Variants in EYS observed in about 807,000 individuals in gnomAD.
EYS encodes the protein EGF-like photoreceptor maintenance factor.
In EYS, 250 loss-of-function variants were observed where a neutral mutation model predicts 282.1. The observed-to-expected ratio is 0.89, with a 90% CI of 0.80 to 0.98. EYS has a LOEUF of 0.98. Among genes scored for constraint, EYS ranks in the 50% least tolerant of loss-of-function variants. EYS has a pLI of 0.00. For synonymous variants in EYS, 1,355 were observed against 1,282.9 expected (o/e 1.06, Z -1.20); for missense variants, 4,016 against 3,709.0 (o/e 1.08, Z -2.15).
chr6:64,441,209 A>G (rs1774933349), intron 26 of EYS, among the ~76,000 whole-genome samples: 1 of 152,194 alleles, frequency 6.6e-6, no homozygotes, highest in Admixed American at 6.5e-5. Context: ...AAAATTAATC[A>G]TATTCATGTC....
At chr6:64,446,383 A>G (rs548888475) in intron 26 of EYS, among the ~76,000 whole-genome samples, 24 of 152,230 alleles carry the variant, frequency 1.6e-4, no homozygotes, top group African/African-American at 5.8e-4. Context: ...TTTTAGAAGA[A>G]ATGAATAATA....
chr6:65,079,193 T>G (rs1288886269), intron 12 of EYS, among the ~76,000 whole-genome samples: 1 of 152,088 alleles, frequency 6.6e-6, no homozygotes. Flanking sequence ...TATCAAGAAG[T>G]CTGGTTTCTT....
intron 4 of EYS, 133 bp downstream of exon 4, chr6:65,494,530 C>G (rs957838228): frequency 1.3e-6 from 1 of 763,600 alleles, no homozygotes; most frequent in Non-Finnish European, 2.1e-6. Context: ...ATCCACCCAC[C>G]TCGGCCTCCC....
intron 35 of EYS, among the ~76,000 whole-genome samples, chr6:63,905,333 T>TC (rs1294949712): frequency 1.4e-4 from 20 of 146,784 alleles, no homozygotes; most frequent in African/African-American, 4.8e-4. Context: ...TTTTTTCTTT[T>TC]TTTTTTTTTT....
At chr6:64,380,628 T>G (rs1419852844) in intron 29 of EYS, among the ~76,000 whole-genome samples, 1 of 152,228 alleles carries the variant, frequency 6.6e-6, no homozygotes, top group Non-Finnish European at 1.5e-5. Flanking sequence ...TTAGACTATT[T>G]AACTTAATGT....
chr6:64,934,916 A>G (rs1768855045), intron 15 of EYS, among the ~76,000 whole-genome samples: 1 of 151,872 alleles, frequency 6.6e-6, no homozygotes, highest in South Asian at 2.1e-4. Context: ...TATATGATTT[A>G]AAAGATGGAG....
chr6:64,828,966 G>A (rs1283271044), intron 19 of EYS, among the ~76,000 whole-genome samples: 1 of 151,934 alleles, frequency 6.6e-6, no homozygotes, highest in African/African-American at 2.4e-5. Context: ...AAAGCAAAAG[G>A]GACATCCTTC....
chr6:64,128,035 G>A (rs1050261309), intron 31 of EYS, among the ~76,000 whole-genome samples: 2 of 152,000 alleles, frequency 1.3e-5, no homozygotes, highest in African/African-American at 4.8e-5. Context: ...ACAATCTTGA[G>A]TCTCCTAGGT....
chr6:64,088,040 A>G (rs1772218647), intron 31 of EYS, among the ~76,000 whole-genome samples: 1 of 152,100 alleles, frequency 6.6e-6, no homozygotes, highest in African/African-American at 2.4e-5. Context: ...GTTTTATGAA[A>G]ATTATGACAG....
At chr6:64,329,039 A>T (rs796448108) in intron 29 of EYS, among the ~76,000 whole-genome samples, 1 of 152,282 alleles carries the variant, frequency 6.6e-6, no homozygotes, top group African/African-American at 2.4e-5. Context: ...ATTTAATCGG[A>T]CTGGCAGGAA....
chr6:65,050,141 A>G (rs1226864354), intron 13 of EYS, among the ~76,000 whole-genome samples: 1 of 151,160 alleles, frequency 6.6e-6, no homozygotes, highest in Non-Finnish European at 1.5e-5. Flanking sequence ...AAATAAGAGA[A>G]AGGAATAAAA....
intron 19 of EYS, among the ~76,000 whole-genome samples, chr6:64,870,411 C>T (rs1241524095): frequency 7.0e-6 from 1 of 142,030 alleles, no homozygotes; most frequent in Non-Finnish European, 1.5e-5. Context: ...AACAATTACC[C>T]CCCTCCTCCC....
At chr6:65,603,177 T>C (rs1582506756) in intron 2 of EYS, among the ~76,000 whole-genome samples, 1 of 152,084 alleles carries the variant, frequency 6.6e-6, no homozygotes, top group East Asian at 1.9e-4. Flanking sequence ...CTTCCTGCTT[T>C]AGAGGCTCAC....
chr6:64,825,319 T>C (rs1044148881), intron 19 of EYS, among the ~76,000 whole-genome samples: 5 of 151,934 alleles, frequency 3.3e-5, no homozygotes, highest in African/African-American at 1.2e-4. Flanking sequence ...AGTAATCTCC[T>C]TGTAGCATTC....
At chr6:65,121,988 A>C (rs532270583) in intron 12 of EYS, among the ~76,000 whole-genome samples, 2 of 152,252 alleles carry the variant, frequency 1.3e-5, no homozygotes, top group Non-Finnish European at 2.9e-5. Flanking sequence ...AAAAGTCATA[A>C]AATTTCTTAT....
chr6:65,671,120 T>C (rs1367652213), intron 1 of EYS, among the ~76,000 whole-genome samples: 1 of 152,158 alleles, frequency 6.6e-6, no homozygotes, highest in African/African-American at 2.4e-5. Flanking sequence ...CCACTTTCTA[T>C]TTCTCCTGTT....
At chr6:64,345,316 G>A (rs1437197212) in intron 29 of EYS, among the ~76,000 whole-genome samples, 1 of 152,136 alleles carries the variant, frequency 6.6e-6, no homozygotes, top group African/African-American at 2.4e-5. Context: ...TGAGGCTACA[G>A]TAACCAAAAC....
intron 35 of EYS, among the ~76,000 whole-genome samples, chr6:63,959,344 T>G (rs1208738746): frequency 6.6e-6 from 1 of 152,156 alleles, no homozygotes; most frequent in East Asian, 1.9e-4. Flanking sequence ...ATAGTGATTA[T>G]TAAAAAGTCA....
intron 26 of EYS, among the ~76,000 whole-genome samples, chr6:64,439,754 T>C (rs185552567): frequency 3.3e-5 from 5 of 151,986 alleles, no homozygotes; most frequent in Admixed American, 2.0e-4. Context: ...CTAGAGATTA[T>C]TGAGAGGCAT....
Sources: gnomAD v4.1 joint callset for allele counts (sites outside exome capture counted in the v4.1 genomes callset) on GRCh38, gnomAD v4.1.1 for gene constraint, MANE v1.5 for transcripts, NCBI Gene and HGNC (gene_info 2026-07-23, HGNC 2026-07-21) for gene names.